The following NELL2 variants were observed in gnomAD, a reference collection of about 807,000 sequenced individuals.
The protein encoded by NELL2 is protein kinase C-binding protein NELL2.
NELL2 carries 41 observed loss-of-function variants against 109.6 expected under a neutral mutation model. The observed-to-expected ratio is 0.37, with a 90% CI of 0.29 to 0.49. The LOEUF (loss-of-function observed/expected upper bound fraction) is 0.49, where lower values mean the gene tolerates loss of function less well. Ranked by LOEUF, NELL2 falls within the 20% of genes least tolerant of loss-of-function variation. The probability of loss-of-function intolerance (pLI) is 0.98; values close to 1 mark genes in which losing one functional copy is unlikely to be tolerated. For missense variants in NELL2, 900 were observed against 1,008.3 expected (o/e 0.89, Z 1.45); for synonymous variants, 355 against 344.7 (o/e 1.03, Z -0.33).
At chr12:44,905,097 T>C (rs1592714859) in intron 1 of NELL2, among the ~76,000 whole-genome samples, 1 of 152,242 alleles carries the variant, frequency 6.6e-6, no homozygotes, top group East Asian at 1.9e-4. Context: ...ACACGGATTA[T>C]CTTATTTGAA....
chr12:44,756,006 ACT>A (rs1940874098), intron 9 of NELL2, among the ~76,000 whole-genome samples: 1 of 152,186 alleles, frequency 6.6e-6, no homozygotes, highest in South Asian at 2.1e-4. Flanking sequence ...TTTTCGGTAC[ACT>A]GTTAACTTCA....
intron 2 of NELL2, among the ~76,000 whole-genome samples, chr12:44,825,521 CA>C (rs1159772457): frequency 4.0e-5 from 6 of 149,048 alleles, no homozygotes; most frequent in Non-Finnish European, 7.4e-5. Context: ...TCAGCCTCCC[CA>C]ATAGCTGGAG....
At chr12:44,593,753 T>C (rs28521230) in intron 15 of NELL2, among the ~76,000 whole-genome samples, 2,476 of 152,284 alleles carry the variant, frequency 0.016, 49 homozygotes, top group African/African-American at 0.057. Context: ...CACACTCTCC[T>C]GCATCTGTTG....
intron 3 of NELL2, among the ~76,000 whole-genome samples, chr12:44,790,649 C>T (rs748943937): frequency 4.6e-5 from 7 of 150,944 alleles, no homozygotes; most frequent in African/African-American, 1.7e-4. Flanking sequence ...ATGAATGCAA[C>T]GGCACCTCAC....
intron 2 of NELL2, among the ~76,000 whole-genome samples, chr12:44,855,074 G>A (rs1450770556): frequency 6.6e-6 from 1 of 152,014 alleles, no homozygotes; most frequent in Non-Finnish European, 1.5e-5. Context: ...AAATATTAAT[G>A]AGATTTTATA....
chr12:44,513,908 T>G (rs1157589028), intron 19 of NELL2, among the ~76,000 whole-genome samples: 1 of 149,522 alleles, frequency 6.7e-6, no homozygotes, highest in Non-Finnish European at 1.5e-5. Context: ...TGACATCAAC[T>G]TAGATATCCA....
At chr12:44,553,661 C>T (rs1055434551) in intron 15 of NELL2, among the ~76,000 whole-genome samples, 2 of 152,066 alleles carry the variant, frequency 1.3e-5, no homozygotes, top group African/African-American at 4.8e-5. Flanking sequence ...GATCAGTATG[C>T]ATTGTATATG....
At chr12:44,710,800 G>C (rs1269414444) in intron 11 of NELL2, among the ~76,000 whole-genome samples, 2 of 152,068 alleles carry the variant, frequency 1.3e-5, no homozygotes, top group Non-Finnish European at 2.9e-5. Flanking sequence ...TCCATTCTCA[G>C]TAGTCCAGAA....
intron 9 of NELL2, among the ~76,000 whole-genome samples, chr12:44,726,569 A>T (rs888646629): frequency 3.3e-5 from 5 of 152,176 alleles, no homozygotes; most frequent in African/African-American, 1.2e-4. Context: ...TGATTTGCCA[A>T]TGCTTTTCTA....
At chr12:44,865,580 G>A (rs1183618818) in intron 2 of NELL2, among the ~76,000 whole-genome samples, 9 of 100,708 alleles carry the variant, frequency 8.9e-5, no homozygotes, top group African/African-American at 1.9e-4. Flanking sequence ...ACCAAACACC[G>A]CATATTCTCA....
chr12:44,564,078 C>T (rs995215670), intron 15 of NELL2, among the ~76,000 whole-genome samples: 3 of 152,158 alleles, frequency 2.0e-5, no homozygotes, highest in African/African-American at 7.2e-5. Flanking sequence ...TATGATGGAA[C>T]ATTTCCCTTT....
At chr12:44,740,244 G>A (rs140933315) in intron 9 of NELL2, among the ~76,000 whole-genome samples, 353 of 152,226 alleles carry the variant, frequency 2.3e-3, no homozygotes, top group African/African-American at 7.9e-3. Context: ...TAAGAACGAC[G>A]TACAGATACG....
chr12:44,698,175 A>G lies in NELL2; in HGVS notation c.1318+5551T>C, dbSNP rs528005709. 1.4e-4 allele frequency among the ~76,000 whole-genome samples: 21 copies of G among 152,330 alleles called. No individual in the cohort carries two copies. The East Asian group carries it at 4.1e-3, about 29-fold the overall frequency. ...GCATGATTTTATCTCATCTTAACAC[A>G]TTAAATCTGCAACGTCCCTATTTCC... On this transcript the variant is annotated intron_variant, in intron 12 of 19. Transcript: ENST00000429094.
At chr12:44,751,280 CTAAT>C (rs1390409179) in intron 9 of NELL2, among the ~76,000 whole-genome samples, 2 of 152,054 alleles carry the variant, frequency 1.3e-5, no homozygotes, top group Non-Finnish European at 2.9e-5. Context: ...CATTTATAGA[CTAAT>C]TAAGTTGGTT....
At chr12:44,795,845 G>A (rs1018279172) in intron 3 of NELL2, among the ~76,000 whole-genome samples, 1 of 152,152 alleles carries the variant, frequency 6.6e-6, no homozygotes, top group Non-Finnish European at 1.5e-5. Context: ...TCCCTCACAT[G>A]TTAAGGGAGA....
chr12:44,591,490 C>T (rs1944746826), intron 15 of NELL2, among the ~76,000 whole-genome samples: 1 of 88,286 alleles, frequency 1.1e-5, no homozygotes, highest in African/African-American at 4.7e-5. Context: ...TGGATGAGAA[C>T]ATTATATTAA....
chr12:44,775,032 C>T (rs1941696853), intron 8 of NELL2, among the ~76,000 whole-genome samples, 183 bp from the exon 9 acceptor site: 1 of 152,294 alleles, frequency 6.6e-6, no homozygotes, highest in African/African-American at 2.4e-5. Context: ...GAGACAGGAC[C>T]ACCGCAAGGA....
intron 9 of NELL2, among the ~76,000 whole-genome samples, 159 bp from the exon 10 acceptor site, chr12:44,714,900 A>T (rs949345329): frequency 1.3e-5 from 2 of 152,002 alleles, no homozygotes; most frequent in African/African-American, 4.8e-5. Flanking sequence ...GCACATGTAA[A>T]CTTAAATTAG....
chr12:44,742,536 T>C (rs184299590), intron 9 of NELL2, among the ~76,000 whole-genome samples: 7 of 152,094 alleles, frequency 4.6e-5, no homozygotes, highest in East Asian at 1.9e-4. Flanking sequence ...TTCGAACCAA[T>C]GGTAAAGAAG....
Sources: gnomAD v4.1 joint callset for allele counts (sites outside exome capture counted in the v4.1 genomes callset) on GRCh38, gnomAD v4.1.1 for gene constraint, MANE v1.5 for transcripts, NCBI Gene and HGNC (gene_info 2026-07-23, HGNC 2026-07-21) for gene names.